The following CCZ1 variants were observed in gnomAD, a reference collection of about 807,000 sequenced individuals.
CCZ1 encodes the protein CCZ1 vacuolar protein trafficking and biogenesis associated, also known as vacuolar fusion protein CCZ1 homolog.
CCZ1 carries 19 observed loss-of-function variants against 57.8 expected under a neutral mutation model. That is an observed-to-expected ratio of 0.33 (90% CI 0.23 to 0.48). The LOEUF (loss-of-function observed/expected upper bound fraction) is 0.48, where lower values mean the gene tolerates loss of function less well. CCZ1 is among the 20% of genes least tolerant of loss of function. The pLI is 0.99. For missense variants in CCZ1, 200 were observed against 492.0 expected (o/e 0.41, Z 5.61); for synonymous variants, 81 against 167.0 (o/e 0.49, Z 3.97).
rs192351200 is a variant in CCZ1, at chr7:5,912,589, G to A, written c.843-254G>A. On this transcript the variant is annotated intron_variant, in intron 9 of 14. Transcript: ENST00000325974. ...TAATTTTTGTAGTTTTAGTAGAGAC[G>A]AGGTTTTGCCATGTTGGCCAGGCTG... Among the ~76,000 whole-genome samples, 154 of 147,154 alleles carry A rather than the reference G, an allele frequency of 1.0e-3. 4 individuals carry two copies. The highest frequency in any genetic ancestry group is 7.2e-3 in the Middle Eastern group (2 of 278).
Position 5,908,675 on chromosome 7 carries a change from C to T in CCZ1, c.699-1360C>T, listed in dbSNP as rs550849117. 2.5e-3 allele frequency among the ~76,000 whole-genome samples: 363 copies of T among 146,934 alleles called. 17 individuals carry two copies. The highest frequency in any genetic ancestry group is 8.8e-3 in the African/African-American group (348 of 39,632). ...GATTACAGGTGTGAGCTTCCGCGCC[C>T]GACCACCTTCACGGTATTTCAGTGA... On this transcript the variant is annotated intron_variant, in intron 7 of 14. Coordinates refer to ENST00000325974, the MANE Select transcript of CCZ1 (RefSeq NM_015622.6).
At chr7:5,914,643 G>GGT (rs1779114401) in intron 10 of CCZ1, among the ~76,000 whole-genome samples, 1 of 148,558 alleles carries the variant, frequency 6.7e-6, no homozygotes, top group Non-Finnish European at 1.5e-5. Flanking sequence ...GGGAGGCCAA[G>GGT]GTGGGCGGAT....
intron 8 of CCZ1, 27 bp from the exon 9 acceptor site, chr7:5,911,834 C>G: frequency 1.3e-6 from 2 of 1,485,616 alleles, no homozygotes; most frequent in South Asian, 1.2e-5. Context: ...TCTGATAAGT[C>G]ATTCTCAACA....
chr7:5,899,993 T>G (rs1444631938), intron 1 of CCZ1, among the ~76,000 whole-genome samples: 1 of 145,530 alleles, frequency 6.9e-6, no homozygotes, highest in East Asian at 2.3e-4. Context: ...TTCTGACTGG[T>G]GGGCAGTATT....
chr7:5,901,774 T>A (rs1345327766), intron 5 of CCZ1, 70 bp downstream of exon 5: 1 of 1,567,206 alleles, frequency 6.4e-7, no homozygotes, highest in Non-Finnish European at 8.6e-7. Context: ...CAGGGTTGTT[T>A]AAAGAGAAAT....
chr7:5,904,816 G>GC (rs1172427494), intron 6 of CCZ1, among the ~76,000 whole-genome samples: 2 of 147,988 alleles, frequency 1.4e-5, no homozygotes, highest in African/African-American at 5.1e-5. Context: ...GGATGACAGA[G>GC]CAAGACTCTG....
At chr7:5,905,062 G>A in intron 6 of CCZ1, 32 bp from the exon 7 acceptor site, 1 of 1,593,810 alleles carries the variant, frequency 6.3e-7, no homozygotes, top group South Asian at 1.1e-5. Flanking sequence ...TGTACTATTA[G>A]TAAATTTTAT....
intron 6 of CCZ1, among the ~76,000 whole-genome samples, chr7:5,903,866 A>G (rs1404145079): frequency 2.1e-5 from 3 of 144,646 alleles, no homozygotes; most frequent in African/African-American, 7.9e-5. Flanking sequence ...GTGGTGGCGC[A>G]CGCCTGTAAT....
chr7:5,902,644 A>G lies in CCZ1; in HGVS notation c.439-17A>G, dbSNP rs1419420780. The stretch of plus-strand genomic sequence containing the variant: ...TAGGAAACTGATTTTTTTTCCTGCA[A>G]TCTTTTACCTCACTAGCTTTTTAAT... On this transcript the variant is annotated splice_polypyrimidine_tract_variant and intron_variant, in intron 5 of 14. Transcript: ENST00000325974. 3.1e-5 allele frequency: 48 copies of G among 1,569,240 alleles called. 4 individuals carry two copies. The highest frequency in any genetic ancestry group is 2.7e-4 in the East Asian group (10 of 36,768).
chr7:5,912,834 G>A lies in CCZ1; in HGVS notation c.843-9G>A, dbSNP rs374642528. 9.6e-5 allele frequency: 123 copies of A among 1,287,918 alleles called. 2 individuals are homozygous for A. In the African/African-American group the frequency reaches 1.6e-3, roughly 17 times the overall value. The allele number at this position is 1,287,918 out of a possible 1,614,324, so 79.8% of individuals were successfully genotyped here. A position where few individuals can be genotyped will look rare whatever the true frequency, so the allele number is the denominator to read the frequency against. ...GTTGAATCAAGTCATGTCTGTTCTT[G>A]CTTTTAAGATTTCTTACCGGACCCT... On this transcript the variant is annotated splice_polypyrimidine_tract_variant and intron_variant, in intron 9 of 14. Transcript: ENST00000325974.
At chr7:5,914,351 G>A (rs1056649678) in intron 10 of CCZ1, among the ~76,000 whole-genome samples, 3 of 147,808 alleles carry the variant, frequency 2.0e-5, no homozygotes, top group Non-Finnish European at 4.4e-5. Context: ...CAGGAGAACC[G>A]CTTGAGCCCA....
intron 7 of CCZ1, among the ~76,000 whole-genome samples, chr7:5,907,332 T>C (rs1781854911): frequency 6.7e-6 from 1 of 149,478 alleles, no homozygotes; most frequent in African/African-American, 2.5e-5. Context: ...TGCAGAGGGA[T>C]GGCTCCTCCA....
rs967284810 is a variant in CCZ1 at position 5,910,662 on chromosome 7, A to G, written c.780+546A>G. On this transcript the variant is annotated intron_variant, in intron 8 of 14. Transcript: ENST00000325974. The stretch of plus-strand genomic sequence containing the variant: ...TTTTAAGAGGAGTGAGTCATTGAGT[A>G]GAGGAAAATTGGATTTTACTTTACT... 9.1e-4 allele frequency among the ~76,000 whole-genome samples: 132 copies of G among 144,588 alleles called. 8 individuals carry two copies. The highest frequency in any genetic ancestry group is 3.5e-4 in the Admixed American group (5 of 14,452). 94.9% of individuals were successfully genotyped at this position (144,588 alleles called of 152,430 possible).
intron 12 of CCZ1, among the ~76,000 whole-genome samples, chr7:5,920,284 TG>T: frequency 8.6e-6 from 1 of 116,232 alleles, no homozygotes; most frequent in East Asian, 2.2e-4. Context: ...GGTCTTGGTG[TG>T]CACAGACTGA....
Position 5,905,126 on chromosome 7 carries a change from C to G in CCZ1, c.555C>G (p.Asp185Glu). Residue 185 changes from aspartate (D) to glutamate (E), a missense_variant, in exon 7 of 15, where the codon GAC becomes GAG. By Grantham distance (45) the Asp-to-Glu change is conservative. Transcript: ENST00000325974. ...YLQTLHLQSC[D>E]LLDIFGGISF... is the part of the protein sequence containing the mutation. Reference sequence around the variant, plus strand: ...AAACGCTACATTTGCAGTCATGTGACCTACTTGACATTTTTGGTGGAATCA... The same window carrying G: ...AAACGCTACATTTGCAGTCATGTGAGCTACTTGACATTTTTGGTGGAATCA... The G allele has an allele frequency of 6.3e-7, 1 of 1,596,434 alleles. No individual in the cohort carries two copies. The highest frequency in any genetic ancestry group is 1.1e-5 in the South Asian group (1 of 87,598).
At chr7:5,899,782 C>A (rs1175197072) in intron 1 of CCZ1, among the ~76,000 whole-genome samples, 1 of 151,404 alleles carries the variant, frequency 6.6e-6, no homozygotes, top group Non-Finnish European at 1.5e-5. Context: ...GAAAAAAAAG[C>A]AACTTGTCAG....
At chr7:5,907,579 G>C (rs191507192) in intron 7 of CCZ1, among the ~76,000 whole-genome samples, 1 of 146,002 alleles carries the variant, frequency 6.8e-6, no homozygotes, top group Non-Finnish European at 1.5e-5. Flanking sequence ...AGCTCATTCT[G>C]GGAGACCCTG....
chr7:5,926,362 GTC>G lies in CCZ1; in HGVS notation c.*681_*682del, dbSNP rs555426545. On this transcript the variant is annotated 3_prime_UTR_variant, in exon 15 of 15. Transcript: ENST00000325974. ...CCTAAGCCTGTGTGTGTGTCCTCGT[GTC>G]TCTCTACTTTTTCTTCTTCTTGCTG... 1.1e-4 allele frequency: 157 copies of G among 1,387,166 alleles called. 1 individual carries two copies. Among genetic ancestry groups the G allele is most frequent in the Admixed American group, 7.0e-4 (37 of 53,048 alleles). 85.9% of individuals were successfully genotyped at this position (1,387,166 alleles called of 1,614,324 possible). A position where few individuals can be genotyped will look rare whatever the true frequency, so the allele number is the denominator to read the frequency against.
rs1341206461 is a variant in CCZ1, at chr7:5,910,735, T to G, written c.780+619T>G. Among the ~76,000 whole-genome samples the G allele has an allele frequency of 5.1e-5, 7 of 138,510 alleles. 1 individual carries two copies. In the East Asian group the frequency reaches 1.4e-3, roughly 28 times the overall value. 90.9% of individuals were successfully genotyped at this position (138,510 alleles called of 152,430 possible). A position where few individuals can be genotyped will look rare whatever the true frequency, so the allele number is the denominator to read the frequency against. ...ATTTATTTATTTATTTATTTATTTA[T>G]TTATTTATTTATTTATTGGGACAGA... On this transcript the variant is annotated intron_variant, in intron 8 of 14. Coordinates refer to ENST00000325974, the MANE Select transcript of CCZ1 (RefSeq NM_015622.6).
Sources: gnomAD v4.1 joint callset for allele counts (sites outside exome capture counted in the v4.1 genomes callset) on GRCh38, gnomAD v4.1.1 for gene constraint, MANE v1.5 for transcripts, NCBI Gene and HGNC (gene_info 2026-07-23, HGNC 2026-07-21) for gene names.